RAB3GAP1: variants seen among roughly 807,000 people sequenced by gnomAD.
RAB3GAP1 encodes RAB3 GTPase activating protein catalytic subunit 1, also known as rab3 GTPase-activating protein catalytic subunit.
In RAB3GAP1, 86 loss-of-function variants were observed where a neutral mutation model predicts 130.7. The ratio of observed to expected loss-of-function variants is 0.66; its 90% CI spans 0.55 to 0.79. The LOEUF is 0.79. RAB3GAP1 is among the 30% of genes least tolerant of loss of function. The probability of loss-of-function intolerance (pLI) is 0.00; values close to 1 mark genes in which losing one functional copy is unlikely to be tolerated. For missense variants in RAB3GAP1, 1,029 were observed against 1,169.4 expected, an observed-to-expected ratio of 0.88 and a Z score of 1.75; for synonymous variants, 367 against 401.7, an observed-to-expected ratio of 0.91 and a Z score of 1.03.
At chr2:135,095,952 C>T in intron 5 of RAB3GAP1, among the ~76,000 whole-genome samples, 1 of 152,162 alleles carries the variant, frequency 6.6e-6, no homozygotes, top group East Asian at 1.9e-4. Flanking sequence ...AAAATATTGT[C>T]GTAACTGTTC....
intron 5 of RAB3GAP1, among the ~76,000 whole-genome samples, chr2:135,098,359 CTG>C (rs1690359332): frequency 6.6e-6 from 1 of 152,036 alleles, no homozygotes; most frequent in Non-Finnish European, 1.5e-5. Flanking sequence ...ACAGATAAGA[CTG>C]TAACTTATCT....
intron 19 of RAB3GAP1, among the ~76,000 whole-genome samples, chr2:135,157,326 A>G (rs1237874741): frequency 1.3e-5 from 2 of 152,182 alleles, no homozygotes; most frequent in Admixed American, 6.5e-5. Context: ...CCTATGCTTT[A>G]CTTATTCCAA....
At chr2:135,173,509 GT>G (rs1692917255), downstream of RAB3GAP1, among the ~76,000 whole-genome samples, 1 of 152,214 alleles carries the variant, frequency 6.6e-6, no homozygotes, top group Non-Finnish European at 1.5e-5. Flanking sequence ...AGAGGCGACT[GT>G]TGTGTCTGTC....
In RAB3GAP1 at chr2:135,163,113, T is replaced by C. The variant is rs1247256082; in HGVS notation, c.2606+12T>C. 1 of 1,593,568 alleles carries C rather than the reference T, an allele frequency of 6.3e-7. No individual in the cohort carries two copies. On this transcript the variant is annotated intron_variant, in intron 22 of 23. Transcript: ENST00000264158. ...GAAGATCTTGAAAGGTAATTGCTATTTGGCTAATTCAGTTTTGTCTGCAGT... is the reference window on the plus strand; with the variant it reads ...GAAGATCTTGAAAGGTAATTGCTATCTGGCTAATTCAGTTTTGTCTGCAGT...
chr2:135,159,856 A>G (rs1692418077), intron 19 of RAB3GAP1, among the ~76,000 whole-genome samples: 1 of 152,236 alleles, frequency 6.6e-6, no homozygotes, highest in Admixed American at 6.5e-5. Context: ...TCTTGAAAAT[A>G]TTATGCTCAG....
intron 13 of RAB3GAP1, 99 bp downstream of exon 13, chr2:135,130,820 C>A: frequency 8.9e-7 from 1 of 1,121,302 alleles, no homozygotes. Context: ...TTGGAATATA[C>A]AATGAGTAAA....
chr2:135,167,734 C>T (rs750537347), intron 23 of RAB3GAP1: 3 of 1,462,144 alleles, frequency 2.1e-6, no homozygotes, highest in East Asian at 2.5e-5. Context: ...AGCCTTTGCC[C>T]CTCATAGTTC....
At chr2:135,129,891 C>T in intron 11 of RAB3GAP1, 104 bp from the exon 12 acceptor site, 4 of 763,878 alleles carry the variant, frequency 5.2e-6, no homozygotes, top group Admixed American at 2.5e-5. Context: ...TACTTTCTAC[C>T]ATATCTTAGT....
At chr2:135,071,794 C>T (rs754838067) in intron 3 of RAB3GAP1, among the ~76,000 whole-genome samples, 2 of 152,212 alleles carry the variant, frequency 1.3e-5, no homozygotes, top group African/African-American at 4.8e-5. Context: ...ATCTCCCAAC[C>T]ACTTCCTGCT....
intron 5 of RAB3GAP1, among the ~76,000 whole-genome samples, chr2:135,094,144 C>G (rs1690224875): frequency 6.6e-6 from 1 of 151,864 alleles, no homozygotes; most frequent in Non-Finnish European, 1.5e-5. Context: ...GCTTAGTGAG[C>G]AGCTTAATCA....
chr2:135,052,906 C>G (rs1426459126), intron 2 of RAB3GAP1, among the ~76,000 whole-genome samples: 1 of 152,226 alleles, frequency 6.6e-6, no homozygotes, highest in Non-Finnish European at 1.5e-5. Flanking sequence ...TTGGTATACC[C>G]TTTTCAGGAG....
chr2:135,164,812 G>C (rs1014988405), intron 23 of RAB3GAP1, 116 bp downstream of exon 23: 2 of 781,338 alleles, frequency 2.6e-6, no homozygotes, highest in East Asian at 2.8e-5. Flanking sequence ...GTGTAAGTCT[G>C]GGCATTGGGT....
At chr2:135,107,130 A>T (rs1690651897) in intron 5 of RAB3GAP1, among the ~76,000 whole-genome samples, 1 of 152,082 alleles carries the variant, frequency 6.6e-6, no homozygotes, top group East Asian at 1.9e-4. Context: ...TTGACCAAGA[A>T]TTCTATATCC....
chr2:135,055,695 A>G (rs1688988483), intron 2 of RAB3GAP1, among the ~76,000 whole-genome samples: 1 of 151,570 alleles, frequency 6.6e-6, no homozygotes, highest in Admixed American at 6.6e-5. Context: ...AAAAAAAAAA[A>G]GACATTTCTT....
chr2:135,091,210 TC>T, intron 4 of RAB3GAP1, 80 bp downstream of exon 4: 1 of 1,337,798 alleles, frequency 7.5e-7, no homozygotes, highest in Non-Finnish European at 1.0e-6. Flanking sequence ...TTAGTGTTCT[TC>T]CATAGTGTCA....
At chr2:135,117,504 T>TCTTCTTCTG (rs1355437292) in intron 7 of RAB3GAP1, among the ~76,000 whole-genome samples, 11 of 136,982 alleles carry the variant, frequency 8.0e-5, no homozygotes, top group Non-Finnish European at 1.1e-4. Context: ...TGCTTCTTCT[T>TCTTCTTCTG]CTTCTTCTGC....
intron 5 of RAB3GAP1, among the ~76,000 whole-genome samples, chr2:135,107,859 C>T (rs1393451455): frequency 6.6e-6 from 1 of 151,396 alleles, no homozygotes; most frequent in Non-Finnish European, 1.5e-5. Flanking sequence ...CCTGTAATCC[C>T]AGCTACTCAG....
At position 135,164,714 on chromosome 2, in the gene RAB3GAP1, T is replaced by C; in HGVS notation, c.2709+18T>C. On this transcript the variant is annotated intron_variant, in intron 23 of 23. Coordinates refer to ENST00000264158, the MANE Select transcript of RAB3GAP1 (RefSeq NM_012233.3). Reference sequence around the variant, plus strand: ...CCCAGAGGGTATGTGAGAGTCATTATTGACTCCATCATAATCTCTCCAAAC... The same window carrying C: ...CCCAGAGGGTATGTGAGAGTCATTACTGACTCCATCATAATCTCTCCAAAC... 1 of 1,554,066 alleles carries C rather than the reference T, an allele frequency of 6.4e-7. No individual in the cohort carries two copies. The highest frequency in any genetic ancestry group is 8.9e-7 in the Non-Finnish European group (1 of 1,128,352).
chr2:135,164,413 G>A (rs1053943696), intron 22 of RAB3GAP1, among the ~76,000 whole-genome samples, 181 bp from the exon 23 acceptor site: 3 of 152,218 alleles, frequency 2.0e-5, no homozygotes, highest in Non-Finnish European at 4.4e-5. Context: ...AAGATTGTCA[G>A]TTAAGTCGAT....
Sources: allele counts gnomAD v4.1 joint callset (sites outside exome capture counted in the v4.1 genomes callset), GRCh38; gene constraint gnomAD v4.1.1; transcripts MANE v1.5; gene names NCBI Gene and HGNC (gene_info 2026-07-23, HGNC 2026-07-21).